The following COPG2 variants were observed in gnomAD, a reference collection of about 807,000 sequenced individuals.
COPG2 encodes the protein coat protein complex I subunit gamma 2.
COPG2 carries 37 observed loss-of-function variants against 46.3 expected under a neutral mutation model. The observed-to-expected ratio is 0.80, with a 90% confidence interval of 0.61 to 1.05. The LOEUF (loss-of-function observed/expected upper bound fraction) is 1.05, where lower values mean the gene tolerates loss of function less well. COPG2 is among the 50% of genes least tolerant of loss of function. The pLI is 0.00. For missense variants in COPG2, 427 were observed against 387.8 expected (o/e 1.10, Z -0.85); for synonymous variants, 159 against 129.7 (o/e 1.23, Z -1.53).
chr7:130,600,027 G>A (rs1288759585), intron 9 of COPG2, among the ~76,000 whole-genome samples: 1 of 152,102 alleles, frequency 6.6e-6, no homozygotes, highest in African/African-American at 2.4e-5. Context: ...TTTGTTATCA[G>A]TAACATACAA....
At chr7:130,615,252 C>T (rs1563060163) in intron 6 of COPG2, among the ~76,000 whole-genome samples, 1 of 152,192 alleles carries the variant, frequency 6.6e-6, no homozygotes, top group South Asian at 2.1e-4. Flanking sequence ...TACTTATAGC[C>T]ACCAAGTGAA....
At chr7:130,587,981 C>A (rs551201554) in intron 9 of COPG2, among the ~76,000 whole-genome samples, 1 of 151,722 alleles carries the variant, frequency 6.6e-6, no homozygotes, top group Non-Finnish European at 1.5e-5. Flanking sequence ...AAAAAGTGGG[C>A]GAAGTATATG....
rs1335815445 is a variant in COPG2, at chr7:130,582,249, G to A, written c.738-17856C>T. ...CTGAGAAAAACAAGAAATGGGGAAA[G>A]GATTCCCTATTTAATAAATGGTGCT... On this transcript the variant is annotated intron_variant, in intron 9 of 23. Coordinates refer to ENST00000425248, the MANE Select transcript of COPG2 (RefSeq NM_012133.6). Among the ~76,000 whole-genome samples, 9 of 149,536 alleles carry A rather than the reference G, an allele frequency of 6.0e-5. No individual in the cohort carries two copies. The South Asian group carries it at 1.1e-3, about 18-fold the overall frequency.
At chr7:130,508,522 T>C in intron 21 of COPG2, 40 bp downstream of exon 21, 1 of 743,670 alleles carries the variant, frequency 1.3e-6, no homozygotes. Flanking sequence ...CTTAGTGTTG[T>C]GAAGGTGTCA....
intron 20 of COPG2, among the ~76,000 whole-genome samples, chr7:130,529,503 C>A (rs1211260607): frequency 6.6e-6 from 1 of 151,986 alleles, no homozygotes; most frequent in South Asian, 2.1e-4. Context: ...GGTAAAGGGG[C>A]CAAGTGAATA....
chr7:130,534,371 C>T (rs957944602), intron 20 of COPG2, among the ~76,000 whole-genome samples: 2 of 152,128 alleles, frequency 1.3e-5, no homozygotes, highest in East Asian at 1.9e-4. Context: ...AGAGGAGGGA[C>T]TGCTAAGCAA....
rs1156457254 is a variant in COPG2 at position 130,668,631 on chromosome 7, C to T, written c.37+1G>A. On this transcript the variant is annotated splice_donor_variant, in intron 1 of 23. Transcript: ENST00000425248. LOFTEE classifies it high-confidence loss of function. ...GTGGGCCTCGGAAGCCCCGCGCGTA[C>T]CAGACTCCTCGTCCTTCTTGTCGAA... is the stretch of plus-strand genomic sequence containing the variant. 3.3e-6 allele frequency: 5 copies of T among 1,536,466 alleles called. No homozygotes were observed. The highest frequency in any genetic ancestry group is 1.4e-5 in the African/African-American group (1 of 69,472).
In COPG2 at chr7:130,513,339, A is replaced by G. The variant is rs186672294; in HGVS notation, c.2150-4680T>C. ...TATATATATATATATATATATATAT[A>G]TATGTGTGTGTGTGTGTGTGTATAT... On this transcript the variant is annotated intron_variant, in intron 20 of 23. Transcript: ENST00000425248. Among the ~76,000 whole-genome samples the G allele has an allele frequency of 6.7e-3, 413 of 61,252 alleles. 4 individuals carry two copies. The highest frequency in any genetic ancestry group is 0.013 in the African/African-American group (294 of 22,096). 40.2% of individuals were successfully genotyped at this position (61,252 alleles called of 152,430 possible).
At chr7:130,668,607 T>C in intron 1 of COPG2, 25 bp downstream of exon 1, 2 of 1,513,918 alleles carry the variant, frequency 1.3e-6, no homozygotes, top group Non-Finnish European at 1.8e-6. Flanking sequence ...CGGCTGAGGG[T>C]GGGCCTCGGA....
At chr7:130,668,347 G>T (rs1402260392) in intron 1 of COPG2, among the ~76,000 whole-genome samples, 3 of 150,946 alleles carry the variant, frequency 2.0e-5, no homozygotes, top group African/African-American at 4.8e-5. Flanking sequence ...GCGCGCAGGG[G>T]AGGAGGCGGC....
intron 4 of COPG2, among the ~76,000 whole-genome samples, chr7:130,662,694 C>T (rs1554460943): frequency 6.6e-6 from 1 of 152,216 alleles, no homozygotes; most frequent in South Asian, 2.1e-4. Flanking sequence ...TGTGCACTGA[C>T]TTCTTTATCA....
At position 130,611,023 on chromosome 7, in the gene COPG2, G is replaced by C. The variant is rs531388882; in HGVS notation, c.667C>G (p.Leu223Val). The change falls in exon 9 of 24, where the codon CTC becomes GTC. Residue 223 changes from leucine to valine, a missense_variant. Coordinates refer to ENST00000425248, the MANE Select transcript of COPG2 (RefSeq NM_012133.6). ...KMLNKFTKSG[L>V]KSQFAYCMLI... ...ATGCAGTAAGCAAACTGTGACTTGA[G>C]ACCAGATTTAGTAAACTTATTCAAC... 1.3e-5 allele frequency: 21 copies of C among 1,613,872 alleles called. No homozygotes were observed. The South Asian group carries it at 2.2e-4, about 17-fold the overall frequency.
At chr7:130,582,102 C>T (rs1794158235) in intron 9 of COPG2, among the ~76,000 whole-genome samples, 1 of 149,816 alleles carries the variant, frequency 6.7e-6, no homozygotes, top group Non-Finnish European at 1.5e-5. Flanking sequence ...AACTATACTA[C>T]AAGGCTACAG....
intron 9 of COPG2, among the ~76,000 whole-genome samples, chr7:130,594,803 C>T (rs1340486368): frequency 1.3e-5 from 2 of 152,190 alleles, no homozygotes; most frequent in Non-Finnish European, 2.9e-5. Flanking sequence ...AAAACCACAA[C>T]TAGATTCACA....
chr7:130,531,645 C>T (rs1335033120), intron 20 of COPG2, among the ~76,000 whole-genome samples: 4 of 152,080 alleles, frequency 2.6e-5, no homozygotes, highest in Non-Finnish European at 4.4e-5. Flanking sequence ...GAAGGGAATG[C>T]GGTAGTTCCA....
intron 9 of COPG2, among the ~76,000 whole-genome samples, chr7:130,587,862 C>A (rs1338239380): frequency 2.6e-5 from 4 of 151,878 alleles, no homozygotes; most frequent in African/African-American, 9.7e-5. Context: ...AGGCAACCTA[C>A]AGAATGGGAG....
Position 130,611,045 on chromosome 7 carries a change from C to T in COPG2, c.645G>A (p.Leu215=). Residue 215 remains leucine, a synonymous_variant, in exon 9 of 24, where the codon TTG becomes TTA. Transcript: ENST00000425248. ...TGAGACCAGATTTAGTAAACTTATT[C>T]AACATCTTGGAAACAGCAAGTCGAT... ...KNDRLAVSKM[L]NKFTKSGLKS... 2 of 1,613,810 alleles carry T rather than the reference C, an allele frequency of 1.2e-6. No individual in the cohort carries two copies. Among genetic ancestry groups the T allele is most frequent in the Non-Finnish European group, 1.7e-6 (2 of 1,179,796 alleles).
At chr7:130,648,577 C>A (rs1417383641) in intron 5 of COPG2, among the ~76,000 whole-genome samples, 5 of 152,138 alleles carry the variant, frequency 3.3e-5, no homozygotes, top group African/African-American at 1.2e-4. Flanking sequence ...AAAAGAAATC[C>A]CCTGCTCCCA....
intron 5 of COPG2, chr7:130,645,119 T>G (rs1584605154): frequency 1.3e-5 from 5 of 398,158 alleles, no homozygotes; most frequent in East Asian, 6.5e-5. Flanking sequence ...TTTTTTCAGG[T>G]GACTGGAAAA....
Sources: allele counts gnomAD v4.1 joint callset (sites outside exome capture counted in the v4.1 genomes callset), GRCh38; gene constraint gnomAD v4.1.1; transcripts MANE v1.5; gene names NCBI Gene and HGNC (gene_info 2026-07-23, HGNC 2026-07-21).